The following CACNA1A variants were observed in gnomAD, a reference collection of about 807,000 sequenced individuals.
The protein encoded by CACNA1A is calcium voltage-gated channel subunit alpha1 A.
CACNA1A carries 57 observed loss-of-function variants against 262.4 expected under a neutral mutation model. That is an observed-to-expected ratio of 0.22 (90% confidence interval 0.18 to 0.27). CACNA1A has a LOEUF of 0.27. Among genes scored for constraint, CACNA1A ranks in the 10% least tolerant of loss-of-function variants. CACNA1A has a pLI of 1.00. For synonymous variants in CACNA1A, 1,431 were observed against 1,419.3 expected (o/e 1.01, Z -0.18); for missense variants, 2,526 against 3,562.8 (o/e 0.71, Z 7.41).
intron 5 of CACNA1A, chr19:13,362,718 G>A (rs1315976704): frequency 6.6e-6 from 1 of 152,174 alleles, no homozygotes; most frequent in Non-Finnish European, 1.5e-5. Flanking sequence ...AGCCTTCACT[G>A]TTAAAAATGG....
intron 19 of CACNA1A, among the ~76,000 whole-genome samples, chr19:13,292,412 A>G (rs764717026): frequency 6.6e-6 from 1 of 152,154 alleles, no homozygotes; most frequent in Non-Finnish European, 1.5e-5. Flanking sequence ...CAGGAGTTGG[A>G]GACCAGCCTT....
chr19:13,483,817 T>C (rs142634554), intron 1 of CACNA1A, among the ~76,000 whole-genome samples: 1 of 152,298 alleles, frequency 6.6e-6, no homozygotes, highest in Non-Finnish European at 1.5e-5. Flanking sequence ...TTTAAGCCCC[T>C]TTGAGTTTTC....
intron 37 of CACNA1A, chr19:13,225,120 A>C (rs961702439): frequency 1.1e-4 from 28 of 244,634 alleles, no homozygotes; most frequent in Non-Finnish European, 2.2e-4. Context: ...CCCAAAGAAA[A>C]AGAGCACAAG....
intron 37 of CACNA1A, chr19:13,225,762 CAT>C (rs2055411873): frequency 1.3e-5 from 2 of 152,240 alleles, no homozygotes; most frequent in African/African-American, 4.8e-5. Context: ...GAGAAACACA[CAT>C]AGACTGGGCC....
At chr19:13,307,448 G>C (rs778004175) in intron 15 of CACNA1A, 3 of 215,726 alleles carry the variant, frequency 1.4e-5, no homozygotes, top group Non-Finnish European at 1.8e-5. Context: ...TGGCCAGGCT[G>C]GTCTCGAATT....
At chr19:13,256,994 G>GGCTGCTCT in intron 28 of CACNA1A, 1 of 179,176 alleles carries the variant, frequency 5.6e-6, no homozygotes. Context: ...CTCAGAGGGA[G>GGCTGCTCT]GCTGCTCTGC....
chr19:13,470,499 A>C (rs61654902), intron 1 of CACNA1A, among the ~76,000 whole-genome samples: 3 of 152,034 alleles, frequency 2.0e-5, no homozygotes, highest in Non-Finnish European at 4.4e-5. Flanking sequence ...TCCAATCTCT[A>C]AATGTTGGTC....
chr19:13,268,989 G>A (rs986805014), intron 24 of CACNA1A, among the ~76,000 whole-genome samples: 4 of 145,692 alleles, frequency 2.7e-5, no homozygotes, highest in Middle Eastern at 3.6e-3. Flanking sequence ...GTAAGCCACC[G>A]CACCCGGCTT....
chr19:13,252,008 T>C (rs955899668), intron 30 of CACNA1A, among the ~76,000 whole-genome samples: 14 of 152,020 alleles, frequency 9.2e-5, no homozygotes, highest in Non-Finnish European at 1.8e-4. Context: ...TCAAGTGATT[T>C]GCCTGCCTCT....
At chr19:13,492,558 T>C (rs553332962) in intron 1 of CACNA1A, among the ~76,000 whole-genome samples, 1 of 152,158 alleles carries the variant, frequency 6.6e-6, no homozygotes, top group Non-Finnish European at 1.5e-5. Context: ...GTGACAGAAG[T>C]GTGCAAAGAC....
At chr19:13,420,354 C>G (rs1053681362) in intron 3 of CACNA1A, among the ~76,000 whole-genome samples, 25 of 151,878 alleles carry the variant, frequency 1.6e-4, no homozygotes, top group Admixed American at 1.6e-3. Flanking sequence ...TTCGTGTTTA[C>G]CGAAACCTCA....
chr19:13,322,520 T>C lies in CACNA1A; in HGVS notation c.1346-5199A>G, dbSNP rs186797724. ...CTCTGGGAACTCAATACCACCCATA[T>C]AGAGCCTGTGTTATTAAAATGATGT... On this transcript the variant is annotated intron_variant, in intron 10 of 46. Coordinates refer to ENST00000360228, the MANE Select transcript of CACNA1A (RefSeq NM_001127222.2). Among the ~76,000 whole-genome samples the C allele has an allele frequency of 7.9e-5, 12 of 152,288 alleles. No homozygotes were observed. The East Asian group carries it at 1.2e-3, about 15-fold the overall frequency.
intron 3 of CACNA1A, among the ~76,000 whole-genome samples, chr19:13,402,867 CACACACATATATATATATAT>C (rs1296114844): frequency 1.4e-4 from 10 of 72,516 alleles, no homozygotes; most frequent in African/African-American, 6.7e-4. Flanking sequence ...TACACACACA[CACACACATATATATATATAT>C]ATATATATAT....
Position 13,253,078 on chromosome 19 carries a change from A to G in CACNA1A, c.4779T>C (p.Tyr1593=), listed in dbSNP as rs774619836. 81 of 1,613,022 alleles carry G rather than the reference A, an allele frequency of 5.0e-5. 1 individual carries two copies. In the South Asian group the frequency reaches 7.9e-4, roughly 16 times the overall value. The change falls in exon 30 of 47, where the codon TAT becomes TAC. Residue 1593 remains tyrosine (Y), a synonymous_variant. Coordinates refer to ENST00000360228, the MANE Select transcript of CACNA1A (RefSeq NM_001127222.2). The part of the protein sequence containing the change: ...MMKFYGASVA[Y]ENALRVFNIV... ...TGTTGAACACCCGCAGGGCATTTTC[A>G]TAAGCAACAGAAGCCCCATAGAACT...
rs138950098 is a variant in CACNA1A, at chr19:13,241,951, C to T, written c.4950+3231G>A. Among the ~76,000 whole-genome samples the T allele has an allele frequency of 2.0e-5, 3 of 152,264 alleles. No homozygotes were observed. Among genetic ancestry groups the T allele is most frequent in the Non-Finnish European group, 4.4e-5 (3 of 68,014 alleles). On this transcript the variant is annotated intron_variant, in intron 31 of 46. Coordinates refer to ENST00000360228, the MANE Select transcript of CACNA1A (RefSeq NM_001127222.2). The surrounding 1 kb of genome is among the most constrained non-coding windows in gnomAD (Gnocchi z 4.0). ...CCCTCTGCCCCCTAAACCCCAGGGA[C>T]CTGCCCGCCCAAGCATCTGGCATTT...
intron 29 of CACNA1A, among the ~76,000 whole-genome samples, chr19:13,253,805 T>C (rs1163434298): frequency 1.3e-5 from 2 of 151,806 alleles, no homozygotes; most frequent in African/African-American, 4.8e-5. Context: ...AGTGGTGTGA[T>C]CTCAGCTCAC....
At chr19:13,446,220 A>G (rs1375291447) in intron 3 of CACNA1A, among the ~76,000 whole-genome samples, 7 of 147,228 alleles carry the variant, frequency 4.8e-5, no homozygotes, top group African/African-American at 1.5e-4. Flanking sequence ...GGCTACAGTG[A>G]GCCAAAATCC....
intron 6 of CACNA1A, among the ~76,000 whole-genome samples, chr19:13,358,972 A>C (rs2059054865): frequency 6.6e-6 from 1 of 152,172 alleles, no homozygotes; most frequent in East Asian, 1.9e-4. Flanking sequence ...TGGGCATTCC[A>C]GCTTGTACAT....
At chr19:13,278,908 G>C (rs1311302300) in intron 22 of CACNA1A, among the ~76,000 whole-genome samples, 1 of 152,078 alleles carries the variant, frequency 6.6e-6, no homozygotes, top group Non-Finnish European at 1.5e-5. Context: ...TGGTGCAAGG[G>C]GATTGGCTTG....
Sources: gnomAD v4.1 joint callset for allele counts (sites outside exome capture counted in the v4.1 genomes callset) on GRCh38, gnomAD v4.1.1 for gene constraint, Gnocchi (gnomAD v3.1) non-coding constraint, MANE v1.5 for transcripts, NCBI Gene and HGNC (gene_info 2026-07-23, HGNC 2026-07-21) for gene names.